TIAM1: variants seen among roughly 807,000 people sequenced by gnomAD.
TIAM1 encodes TIAM Rac1 associated GEF 1, also known as rho guanine nucleotide exchange factor TIAM1.
A neutral mutation model predicts 163.5 loss-of-function variants in TIAM1; 65 were observed. The observed-to-expected ratio is 0.40, with a 90% confidence interval of 0.33 to 0.49. The LOEUF is 0.49. Among genes scored for constraint, TIAM1 ranks in the 20% least tolerant of loss-of-function variants. The pLI is 0.77. For synonymous variants in TIAM1, 833 were observed against 810.1 expected (o/e 1.03, Z -0.48); for missense variants, 1,789 against 2,044.7 (o/e 0.87, Z 2.41).
At chr21:31,265,420 G>A (rs2072702503) in intron 4 of TIAM1, among the ~76,000 whole-genome samples, 1 of 151,830 alleles carries the variant, frequency 6.6e-6, no homozygotes, top group South Asian at 2.1e-4. Flanking sequence ...AGCCACCCAT[G>A]TTATTCCTTC....
chr21:31,159,016 C>T (rs1024734098), intron 16 of TIAM1, among the ~76,000 whole-genome samples: 1 of 152,072 alleles, frequency 6.6e-6, no homozygotes, highest in African/African-American at 2.4e-5. Flanking sequence ...AGCCAAGTAT[C>T]CTGGATGTGG....
At chr21:31,243,080 T>C (rs1224075317) in intron 6 of TIAM1, among the ~76,000 whole-genome samples, 1 of 149,254 alleles carries the variant, frequency 6.7e-6, no homozygotes, top group African/African-American at 2.4e-5. Flanking sequence ...TAATCCCAGC[T>C]GCTTGGGAGG....
In TIAM1 at chr21:31,344,170, G is replaced by C. The variant is rs1281655677; in HGVS notation, c.-401C>G. On this transcript the variant is annotated 5_prime_UTR_variant, in exon 1 of 28. Transcript: ENST00000541036. ...CAACAAGGCGCGCACGTTTCTCCCC[G>C]TCTGGCTTCACATGTCCCAAACTTC... is the stretch of plus-strand genomic sequence containing the variant. 1 of 152,226 alleles carries C rather than the reference G, an allele frequency of 6.6e-6. No individual in the cohort carries two copies. The highest frequency in any genetic ancestry group is 1.5e-5 in the Non-Finnish European group (1 of 68,052). 9.4% of individuals were successfully genotyped at this position (152,226 alleles called of 1,614,324 possible).
intron 2 of TIAM1, among the ~76,000 whole-genome samples, chr21:31,448,333 G>A (rs917805717): frequency 2.0e-5 from 3 of 152,158 alleles, no homozygotes; most frequent in South Asian, 2.1e-4. Context: ...GGCCAGGCGC[G>A]GTGGCTCATG....
At chr21:31,318,385 G>A (rs900669257) in intron 2 of TIAM1, among the ~76,000 whole-genome samples, 1 of 152,194 alleles carries the variant, frequency 6.6e-6, no homozygotes, top group Non-Finnish European at 1.5e-5. Flanking sequence ...GATTACAGGC[G>A]TGAGCCACCG....
chr21:31,454,643 C>T (rs2045019032), intron 2 of TIAM1, among the ~76,000 whole-genome samples: 1 of 152,082 alleles, frequency 6.6e-6, no homozygotes, highest in Non-Finnish European at 1.5e-5. Context: ...GAGGTAGAGC[C>T]AGGACATAGA....
intron 22 of TIAM1, among the ~76,000 whole-genome samples, chr21:31,137,717 C>T (rs2082679099): frequency 6.6e-6 from 1 of 151,480 alleles, no homozygotes; most frequent in Non-Finnish European, 1.5e-5. Context: ...TGGGTGTAGG[C>T]ATGTGACTTA....
chr21:31,317,318 G>A (rs1362354010), intron 2 of TIAM1, among the ~76,000 whole-genome samples: 3 of 152,098 alleles, frequency 2.0e-5, no homozygotes, highest in Non-Finnish European at 4.4e-5. Context: ...GCCGGGCGTG[G>A]TGGCACATGC....
At chr21:31,346,374 T>C (rs1273611895), upstream of TIAM1, among the ~76,000 whole-genome samples, 2 of 152,094 alleles carry the variant, frequency 1.3e-5, no homozygotes, top group African/African-American at 4.8e-5. Context: ...GAACCATACA[T>C]ATGGGCTCAG....
intron 1 of TIAM1, among the ~76,000 whole-genome samples, chr21:31,502,600 C>T (rs566427351): frequency 1.5e-4 from 23 of 152,308 alleles, no homozygotes; most frequent in Non-Finnish European, 8.8e-5. Context: ...AAGGAGATCA[C>T]GAAGCCTAGA....
chr21:31,369,897 C>T (rs1177624933), intron 2 of TIAM1, among the ~76,000 whole-genome samples: 1 of 151,942 alleles, frequency 6.6e-6, no homozygotes, highest in East Asian at 1.9e-4. Context: ...AGGCAGGAGA[C>T]TCGCTTGAAC....
intron 5 of TIAM1, among the ~76,000 whole-genome samples, chr21:31,247,003 A>T (rs1406333436): frequency 6.6e-6 from 1 of 152,164 alleles, no homozygotes; most frequent in African/African-American, 2.4e-5. Context: ...TCAAAGGTAA[A>T]GCCCTATGCT....
intron 5 of TIAM1, among the ~76,000 whole-genome samples, chr21:31,250,131 G>A: frequency 7.1e-6 from 1 of 141,500 alleles, no homozygotes. Flanking sequence ...GGAAGACAGA[G>A]TGAGACCCTG....
chr21:31,338,923 ATTCCTTCTTCCCCT>A (rs1420035954), intron 2 of TIAM1, among the ~76,000 whole-genome samples: 1 of 152,132 alleles, frequency 6.6e-6, no homozygotes. Flanking sequence ...ATCCAAATCA[ATTCCTTCTTCCCCT>A]TTCCTAGTAT....
intron 1 of TIAM1, among the ~76,000 whole-genome samples, chr21:31,486,645 T>A (rs942204301): frequency 2.6e-5 from 4 of 152,202 alleles, no homozygotes; most frequent in African/African-American, 9.7e-5. Flanking sequence ...CAGGCTCAGG[T>A]GGAAGCTTCC....
At chr21:31,440,301 T>C (rs1351147405) in intron 2 of TIAM1, among the ~76,000 whole-genome samples, 1 of 152,180 alleles carries the variant, frequency 6.6e-6, no homozygotes, top group Non-Finnish European at 1.5e-5. Flanking sequence ...CTTTCCCTTA[T>C]AATTTCAGTG....
intron 4 of TIAM1, among the ~76,000 whole-genome samples, chr21:31,254,825 C>G (rs1043196049): frequency 6.6e-6 from 1 of 152,160 alleles, no homozygotes; most frequent in East Asian, 1.9e-4. Flanking sequence ...AAGCTAAAAC[C>G]TGCAAGTGCA....
At chr21:31,554,860 TCA>T (rs1364515694) in intron 1 of TIAM1, among the ~76,000 whole-genome samples, 1 of 152,160 alleles carries the variant, frequency 6.6e-6, no homozygotes, top group Non-Finnish European at 1.5e-5. Flanking sequence ...TAGAAGAATC[TCA>T]CACACGCACT....
At chr21:31,530,051 C>T (rs1323608880) in intron 1 of TIAM1, among the ~76,000 whole-genome samples, 1 of 152,174 alleles carries the variant, frequency 6.6e-6, no homozygotes, top group African/African-American at 2.4e-5. Flanking sequence ...TTCACACAAC[C>T]ATATGAGGAA....
Sources: gnomAD v4.1 joint callset for allele counts (sites outside exome capture counted in the v4.1 genomes callset) on GRCh38, gnomAD v4.1.1 for gene constraint, MANE v1.5 for transcripts, NCBI Gene and HGNC (gene_info 2026-07-23, HGNC 2026-07-21) for gene names.